Variants in HSD17B3 observed in about 807,000 individuals in gnomAD.
HSD17B3 encodes hydroxysteroid 17-beta dehydrogenase 3, also known as 17-beta-hydroxysteroid dehydrogenase type 3.
In HSD17B3, 29 loss-of-function variants were observed where a neutral mutation model predicts 41.1. The ratio of observed to expected loss-of-function variants is 0.71; its 90% CI spans 0.53 to 0.96. HSD17B3 has a LOEUF of 0.96. HSD17B3 is among the 40% of genes least tolerant of loss of function. HSD17B3 has a pLI of 0.00. For missense variants in HSD17B3, 323 were observed against 374.6 expected, an observed-to-expected ratio of 0.86 and a Z score of 1.14; for synonymous variants, 126 against 145.6, an observed-to-expected ratio of 0.87 and a Z score of 0.97.
rs869145717 is a variant in HSD17B3, at chr9:96,255,367, C to CTTTT, written c.202-428_202-425dup. On this transcript the variant is annotated intron_variant, in intron 2 of 10. Transcript: ENST00000375263. The stretch of plus-strand genomic sequence containing the variant: ...AAGCAGTGTTTCTGCCCCAACATTT[C>CTTTT]TTTTTTTTTTTTTTTTTTTTTTTTT... Among the ~76,000 whole-genome samples, 40 of 54,564 alleles carry CTTTT rather than the reference C, an allele frequency of 7.3e-4. 5 individuals carry two copies. The highest frequency in any genetic ancestry group is 1.5e-3 in the East Asian group (2 of 1,374). 35.8% of individuals were successfully genotyped at this position (54,564 alleles called of 152,430 possible).
At chr9:96,268,985 C>T (rs1826138442) in intron 2 of HSD17B3, among the ~76,000 whole-genome samples, 1 of 152,028 alleles carries the variant, frequency 6.6e-6, no homozygotes. Context: ...GTTGGCATTA[C>T]ATCATTACAT....
intron 2 of HSD17B3, among the ~76,000 whole-genome samples, chr9:96,293,825 AC>A (rs1266169387): frequency 6.6e-6 from 1 of 152,196 alleles, no homozygotes; most frequent in Non-Finnish European, 1.5e-5. Flanking sequence ...CTCTGAGCAA[AC>A]CATTTTGCCT....
rs1269617978 is a variant in HSD17B3 at position 96,252,926 on chromosome 9, C to A, written c.278-16G>T. 6.5e-7 allele frequency: 1 copy of A among 1,540,066 alleles called. No homozygotes were observed. The highest frequency in any genetic ancestry group is 9.0e-7 in the Non-Finnish European group (1 of 1,112,696). On this transcript the variant is annotated splice_polypyrimidine_tract_variant and intron_variant, in intron 3 of 10. Coordinates refer to ENST00000375263, the MANE Select transcript of HSD17B3 (RefSeq NM_000197.2). ...GTAGTCCGCTCTACACGAGAGACAA[C>A]AGTTTTTTTAATGAACAGGGATCCA... is the stretch of plus-strand genomic sequence containing the variant.
intron 2 of HSD17B3, among the ~76,000 whole-genome samples, chr9:96,264,363 G>C (rs990327248): frequency 6.6e-6 from 1 of 151,976 alleles, no homozygotes; most frequent in Non-Finnish European, 1.5e-5. Flanking sequence ...ATAAATGAGA[G>C]AGGGACTTTG....
chr9:96,254,943 G>C lies in HSD17B3; in HGVS notation c.202C>G (p.Leu68Val). The C allele has an allele frequency of 6.2e-7, 1 of 1,613,450 alleles. No individual in the cohort carries two copies. Among genetic ancestry groups the C allele is most frequent in the Admixed American group, 1.7e-5 (1 of 59,918 alleles). Residue 68 changes from leucine to valine, a missense_variant and splice_region_variant, in exon 3 of 11, where the codon CTA (leucine) becomes GTA (valine). Physicochemically the swap from Leu to Val is conservative, Grantham distance 32. Transcript: ENST00000375263. ...DGIGKAYSFE[L>V]AKRGLNVVLI... ...ACAACATTGAGTCCACGTTTTGCTA[G>C]CTGAGAGTGGGAGTGAAAAACCAAG...
intron 10 of HSD17B3, among the ~76,000 whole-genome samples, chr9:96,237,402 T>C (rs910386081): frequency 6.6e-6 from 1 of 152,208 alleles, no homozygotes; most frequent in Admixed American, 6.5e-5. Context: ...GTTGCAGCTC[T>C]GAGCTTTGTT....
intron 10 of HSD17B3, among the ~76,000 whole-genome samples, chr9:96,237,248 A>G (rs1427456989): frequency 2.0e-5 from 3 of 152,206 alleles, no homozygotes; most frequent in African/African-American, 7.2e-5. Context: ...AAGTCCTAAA[A>G]GAGTCCCTCT....
intron 10 of HSD17B3, among the ~76,000 whole-genome samples, chr9:96,235,810 A>AT (rs202107501): frequency 6.6e-6 from 1 of 151,132 alleles, no homozygotes; most frequent in East Asian, 2.0e-4. Flanking sequence ...AGCCCTAAGG[A>AT]TTTTTTTTTC....
At chr9:96,240,620 G>A (rs895359968) in intron 10 of HSD17B3, 138 bp downstream of exon 10, 27 of 898,426 alleles carry the variant, frequency 3.0e-5, no homozygotes, top group East Asian at 1.8e-4. Context: ...TCTCCACCTC[G>A]CCACATAGTC....
chr9:96,250,014 A>G (rs1836831480), intron 5 of HSD17B3: 8 of 1,437,812 alleles, frequency 5.6e-6, no homozygotes, highest in Non-Finnish European at 6.4e-6. Flanking sequence ...TTGACTAGAC[A>G]TCAATTAAGA....
intron 2 of HSD17B3, among the ~76,000 whole-genome samples, chr9:96,257,680 G>A (rs1825721764): frequency 6.6e-6 from 1 of 152,126 alleles, no homozygotes. Context: ...ACCTTTGAAT[G>A]AGCACTTAGG....
intron 5 of HSD17B3, chr9:96,251,169 T>G: frequency 1.7e-6 from 1 of 573,278 alleles, no homozygotes; most frequent in Middle Eastern, 4.6e-4. Context: ...CATAGGACAA[T>G]GGACAGGTAA....
intron 10 of HSD17B3, among the ~76,000 whole-genome samples, chr9:96,240,447 A>G (rs959623986): frequency 2.6e-5 from 4 of 152,164 alleles, no homozygotes; most frequent in African/African-American, 9.7e-5. Flanking sequence ...GAGGGTCAAG[A>G]GAAGACAGCA....
At chr9:96,252,701 G>A (rs965451876) in intron 4 of HSD17B3, 102 bp downstream of exon 4, 4 of 779,348 alleles carry the variant, frequency 5.1e-6, no homozygotes, top group Non-Finnish European at 9.3e-6. Context: ...TACAGTCATG[G>A]TTTGAGTATA....
At chr9:96,283,430 A>C (rs1260563521) in intron 2 of HSD17B3, among the ~76,000 whole-genome samples, 2 of 152,198 alleles carry the variant, frequency 1.3e-5, no homozygotes, top group East Asian at 3.9e-4. Context: ...TTTGTCTATA[A>C]GGTTTTATTA....
At chr9:96,265,151 G>C (rs1006630076) in intron 2 of HSD17B3, among the ~76,000 whole-genome samples, 5 of 152,224 alleles carry the variant, frequency 3.3e-5, no homozygotes, top group Non-Finnish European at 7.3e-5. Context: ...CGGCCAGTAA[G>C]GTTGGAAACA....
chr9:96,279,965 T>C (rs1232947237), intron 2 of HSD17B3, among the ~76,000 whole-genome samples: 1 of 152,152 alleles, frequency 6.6e-6, no homozygotes, highest in Non-Finnish European at 1.5e-5. Context: ...GAGGCGGGGT[T>C]TCACTGTGTT....
At chr9:96,248,460 A>G (rs1212739572) in intron 6 of HSD17B3, among the ~76,000 whole-genome samples, 1 of 152,164 alleles carries the variant, frequency 6.6e-6, no homozygotes, top group Non-Finnish European at 1.5e-5. Flanking sequence ...TGTTGTTCAG[A>G]TGGGTGAGAC....
intron 2 of HSD17B3, among the ~76,000 whole-genome samples, chr9:96,256,661 A>C (rs930943874): frequency 6.6e-6 from 1 of 151,974 alleles, no homozygotes; most frequent in African/African-American, 2.4e-5. Flanking sequence ...ACAGAGCAAG[A>C]CTCTGTCTCA....
Sources: gnomAD v4.1 joint callset for allele counts (sites outside exome capture counted in the v4.1 genomes callset) on GRCh38, gnomAD v4.1.1 for gene constraint, MANE v1.5 for transcripts, NCBI Gene and HGNC (gene_info 2026-07-23, HGNC 2026-07-21) for gene names.